Variants in METTL24 observed in about 807,000 individuals in gnomAD.
The protein encoded by METTL24 is probable methyltransferase-like protein 24.
A neutral mutation model predicts 32.7 loss-of-function variants in METTL24; 29 were observed. The ratio of observed to expected loss-of-function variants is 0.89; its 90% CI spans 0.66 to 1.21. METTL24 has a LOEUF of 1.21. METTL24 is among the 50% of genes most tolerant of loss of function. The pLI, the probability that METTL24 is intolerant of heterozygous loss-of-function variation, is 0.00. For missense variants in METTL24, 439 were observed against 468.1 expected (o/e 0.94, Z 0.57); for synonymous variants, 163 against 179.5 (o/e 0.91, Z 0.73).
intron 4 of METTL24, among the ~76,000 whole-genome samples, chr6:110,273,544 C>G (rs369660572): frequency 1.3e-5 from 2 of 151,786 alleles, no homozygotes; most frequent in Admixed American, 6.6e-5. Context: ...CAAATAATCC[C>G]ATCAAAAAGT....
intron 4 of METTL24, among the ~76,000 whole-genome samples, chr6:110,266,025 A>T (rs56222826): frequency 0.15 from 23,331 of 151,698 alleles, 1,943 homozygotes; most frequent in African/African-American, 0.23. Context: ...CTCAGCCTCC[A>T]GAGTAGCTGG....
intron 3 of METTL24, among the ~76,000 whole-genome samples, chr6:110,310,172 G>A (rs559453571): frequency 1.4e-3 from 210 of 152,134 alleles, no homozygotes; most frequent in Non-Finnish European, 2.4e-3. Context: ...ATAAAATATG[G>A]GCTCTTGCTA....
intron 4 of METTL24, among the ~76,000 whole-genome samples, chr6:110,281,611 T>G (rs1350744680): frequency 6.7e-6 from 1 of 150,202 alleles, no homozygotes; most frequent in Non-Finnish European, 1.5e-5. Flanking sequence ...ATCACACCAC[T>G]GCACTCCAGC....
chr6:110,298,402 T>G (rs1169407693), intron 4 of METTL24, among the ~76,000 whole-genome samples: 4 of 152,236 alleles, frequency 2.6e-5, no homozygotes, highest in Non-Finnish European at 5.9e-5. Flanking sequence ...TAATTTGTAA[T>G]GTACATGTCC....
rs566429338 is a variant in METTL24 at position 110,257,820 on chromosome 6, T to C, written c.787-11560A>G. ...TGGTAATCTTTGGCCTTGGAAGGTA[T>C]AAGATAGTTTTCTAACCAGCTGCTT... On this transcript the variant is annotated intron_variant, in intron 4 of 4. Coordinates refer to ENST00000338882, the MANE Select transcript of METTL24 (RefSeq NM_001123364.3). 1.9e-4 allele frequency among the ~76,000 whole-genome samples: 29 copies of C among 152,296 alleles called. 1 individual carries two copies. The highest frequency in any genetic ancestry group is 1.4e-3 in the Admixed American group (21 of 15,290).
At chr6:110,317,974 GT>G (rs988862742) in intron 2 of METTL24, among the ~76,000 whole-genome samples, 32 of 152,258 alleles carry the variant, frequency 2.1e-4, no homozygotes, top group African/African-American at 7.7e-4. Context: ...CCAGTGAAAG[GT>G]TCCAGCCTAG....
At chr6:110,345,445 T>C (rs1250444520) in intron 1 of METTL24, among the ~76,000 whole-genome samples, 4 of 152,160 alleles carry the variant, frequency 2.6e-5, no homozygotes, top group Non-Finnish European at 5.9e-5. Context: ...CAGAGGAATA[T>C]AAATCATTCT....
chr6:110,314,646 T>C (rs1771785203), intron 3 of METTL24, among the ~76,000 whole-genome samples: 2 of 152,214 alleles, frequency 1.3e-5, no homozygotes, highest in South Asian at 2.1e-4. Context: ...TTTTGGGTTA[T>C]ACATCATAAC....
intron 4 of METTL24, among the ~76,000 whole-genome samples, chr6:110,257,227 G>A (rs986081851): frequency 3.3e-5 from 5 of 152,116 alleles, no homozygotes; most frequent in Non-Finnish European, 5.9e-5. Context: ...CTGAAATAAG[G>A]AAATGGATAA....
In METTL24 at chr6:110,322,832, G is replaced by C. The variant is rs1365502739; in HGVS notation, c.359C>G (p.Ser120Cys). Reference protein sequence around the residue: ...WHIDLQPWAGSAQSLDEEAWR... With the variant: ...WHIDLQPWAGCAQSLDEEAWR... ...GGCTTCTTCATCCAGGGACTGAGCA[G>C]AGCCTGCCCAAGGCTGGAGATCTAT... The change falls in exon 2 of 5, where the codon TCT becomes TGT. Residue 120 changes from serine to cysteine, a missense_variant. By Grantham distance (112) the Ser-to-Cys change is moderately radical. Transcript: ENST00000338882. The C allele has an allele frequency of 1.9e-6, 3 of 1,613,834 alleles. No individual in the cohort carries two copies. The highest frequency in any genetic ancestry group is 2.5e-6 in the Non-Finnish European group (3 of 1,179,920).
intron 4 of METTL24, among the ~76,000 whole-genome samples, chr6:110,262,154 T>A (rs1478015340): frequency 6.6e-6 from 1 of 152,138 alleles, no homozygotes; most frequent in African/African-American, 2.4e-5. Context: ...CAAAAAACCC[T>A]TCAAAAAATC....
At position 110,311,362 on chromosome 6, in the gene METTL24, T is replaced by C. The variant is rs567522139; in HGVS notation, c.557+3980A>G. Among the ~76,000 whole-genome samples, 158 of 152,240 alleles carry C rather than the reference T, an allele frequency of 1.0e-3. 2 individuals are homozygous for C. Among genetic ancestry groups the C allele is most frequent in the Middle Eastern group, 3.4e-3 (1 of 294 alleles). ...TTCAGTTTTCAATTAAGTGCTTTCA[T>C]GTTTTTAGTCAAATATTGGCCCTTG... On this transcript the variant is annotated intron_variant, in intron 3 of 4. Coordinates refer to ENST00000338882, the MANE Select transcript of METTL24 (RefSeq NM_001123364.3).
intron 3 of METTL24, among the ~76,000 whole-genome samples, chr6:110,299,475 T>C (rs186700196): frequency 1.3e-5 from 2 of 152,286 alleles, no homozygotes; most frequent in African/African-American, 4.8e-5. Context: ...CCAGTAGTCT[T>C]AGATTTTCTT....
intron 3 of METTL24, among the ~76,000 whole-genome samples, chr6:110,313,386 A>G (rs536232142): frequency 6.6e-6 from 1 of 152,286 alleles, no homozygotes; most frequent in South Asian, 2.1e-4. Context: ...ATATTTTAAA[A>G]TAGGAAACTA....
chr6:110,292,836 C>T (rs758898498), intron 4 of METTL24, among the ~76,000 whole-genome samples: 1 of 151,762 alleles, frequency 6.6e-6, no homozygotes, highest in Non-Finnish European at 1.5e-5. Flanking sequence ...AAATAAATAT[C>T]CATAATTTTA....
intron 1 of METTL24, among the ~76,000 whole-genome samples, chr6:110,344,346 T>C (rs1330203129): frequency 6.6e-6 from 1 of 152,130 alleles, no homozygotes; most frequent in Non-Finnish European, 1.5e-5. Flanking sequence ...TGAAGTTTTT[T>C]CTCACCCACC....
chr6:110,302,898 G>T (rs1334304114), intron 3 of METTL24, among the ~76,000 whole-genome samples: 1 of 152,096 alleles, frequency 6.6e-6, no homozygotes, highest in Non-Finnish European at 1.5e-5. Context: ...AAGAGCTCTG[G>T]TCTACAGCTC....
At chr6:110,296,068 A>G (rs972133903) in intron 4 of METTL24, among the ~76,000 whole-genome samples, 11 of 152,156 alleles carry the variant, frequency 7.2e-5, no homozygotes, top group Admixed American at 7.2e-4. Flanking sequence ...GCCAAAAGCC[A>G]ATAAGAGGAC....
Position 110,322,832 on chromosome 6 carries a change from G to A in METTL24, c.359C>T (p.Ser120Phe), listed in dbSNP as rs1365502739. Residue 120 changes from serine to phenylalanine, a missense_variant, in exon 2 of 5, where the codon TCT becomes TTT. Ser to Phe is a radical substitution (Grantham distance 155). Coordinates refer to ENST00000338882, the MANE Select transcript of METTL24 (RefSeq NM_001123364.3). The stretch of plus-strand genomic sequence containing the variant: ...GGCTTCTTCATCCAGGGACTGAGCA[G>A]AGCCTGCCCAAGGCTGGAGATCTAT... ...WHIDLQPWAG[S>F]AQSLDEEAWR... The A allele has an allele frequency of 3.1e-6, 5 of 1,613,834 alleles. No homozygotes were observed. In the Admixed American group the frequency reaches 5.0e-5, roughly 16 times the overall value.
Sources: allele counts gnomAD v4.1 joint callset (sites outside exome capture counted in the v4.1 genomes callset), GRCh38; gene constraint gnomAD v4.1.1; transcripts MANE v1.5; gene names NCBI Gene and HGNC (gene_info 2026-07-23, HGNC 2026-07-21).